Variants in IL1RAPL2 observed in about 807,000 individuals in gnomAD.
The protein encoded by IL1RAPL2 is interleukin 1 receptor accessory protein like 2, also known as X-linked interleukin-1 receptor accessory protein-like 2.
IL1RAPL2 carries 3 observed loss-of-function variants against 44.1 expected under a neutral mutation model. The ratio of observed to expected loss-of-function variants is 0.07; its 90% confidence interval spans 0.03 to 0.18. The LOEUF (loss-of-function observed/expected upper bound fraction) is 0.18, where lower values mean the gene tolerates loss of function less well. Among genes scored for constraint, IL1RAPL2 ranks in the 10% least tolerant of loss-of-function variants. IL1RAPL2 has a pLI of 1.00. For missense variants in IL1RAPL2, 391 were observed against 496.4 expected, an observed-to-expected ratio of 0.79 and a Z score of 2.02; for synonymous variants, 181 against 178.8, an observed-to-expected ratio of 1.01 and a Z score of -0.10.
chrX:105,630,347 C>T (rs1172612895), intron 6 of IL1RAPL2, among the ~76,000 whole-genome samples: 1 of 111,430 alleles, frequency 9.0e-6, no homozygotes, highest in Non-Finnish European at 1.9e-5. Context: ...CTTCAATTAT[C>T]ACAACAACCC....
At chrX:105,508,358 G>A (rs1188502193) in intron 6 of IL1RAPL2, among the ~76,000 whole-genome samples, 1 of 110,983 alleles carries the variant, frequency 9.0e-6, no homozygotes, top group African/African-American at 3.3e-5. Context: ...ACTGGTTTCG[G>A]AAACAGTAAC....
intron 6 of IL1RAPL2, among the ~76,000 whole-genome samples, chrX:105,672,100 A>T (rs1053771548): frequency 1.8e-5 from 2 of 111,306 alleles, no homozygotes; most frequent in Admixed American, 9.6e-5. Context: ...GAGTTTTTTT[A>T]TTATGACTGT....
At chrX:104,931,974 G>GTGTGTT (rs1491153193) in intron 2 of IL1RAPL2, among the ~76,000 whole-genome samples, 6 of 70,005 alleles carry the variant, frequency 8.6e-5, no homozygotes, top group Non-Finnish European at 1.1e-4. Flanking sequence ...GTGTGTGTGT[G>GTGTGTT]TTTGTATATA....
chrX:105,010,979 G>T (rs1388515921), intron 2 of IL1RAPL2, among the ~76,000 whole-genome samples: 1 of 110,824 alleles, frequency 9.0e-6, no homozygotes, highest in East Asian at 2.9e-4. Context: ...GGGTGGAGAG[G>T]GGACAATATT....
intron 6 of IL1RAPL2, among the ~76,000 whole-genome samples, chrX:105,675,678 ATGAG>A (rs1302153814): frequency 1.8e-5 from 2 of 111,633 alleles, no homozygotes; most frequent in Non-Finnish European, 3.8e-5. Flanking sequence ...GCCTCATAGA[ATGAG>A]TTAGGGAGGA....
At chrX:104,948,286 G>C (rs1457951579) in intron 2 of IL1RAPL2, among the ~76,000 whole-genome samples, 1 of 109,631 alleles carries the variant, frequency 9.1e-6, no homozygotes, top group African/African-American at 3.3e-5. Flanking sequence ...AGACTTTGCT[G>C]AATTTGCTTA....
rs189885866 is a variant in IL1RAPL2, at chrX:104,954,837, G to C, written c.83-240638G>C. Among the ~76,000 whole-genome samples the C allele has an allele frequency of 1.7e-4, 19 of 112,903 alleles. No homozygotes were observed. The East Asian group carries it at 3.4e-3, about 20-fold the overall frequency. ...GGGGCCTAGCCCCAGAAGTTTTTTG[G>C]CTTCACTTAGGAAAGAATTCAAAAA... On this transcript the variant is annotated intron_variant, in intron 2 of 10. Coordinates refer to ENST00000372582, the MANE Select transcript of IL1RAPL2 (RefSeq NM_017416.2).
intron 5 of IL1RAPL2, among the ~76,000 whole-genome samples, chrX:105,327,393 C>T (rs1354148585): frequency 8.9e-6 from 1 of 111,794 alleles, no homozygotes; most frequent in Non-Finnish European, 1.9e-5. Context: ...GGCCCAGAAT[C>T]AATTTTCCTT....
chrX:105,313,875 ACT>A (rs760912738), intron 5 of IL1RAPL2, among the ~76,000 whole-genome samples: 1 of 111,172 alleles, frequency 9.0e-6, no homozygotes, highest in East Asian at 2.8e-4. Context: ...CTCACCATAC[ACT>A]CACATTTTTA....
intron 2 of IL1RAPL2, among the ~76,000 whole-genome samples, chrX:104,951,152 G>A (rs928850889): frequency 8.9e-6 from 1 of 112,106 alleles, no homozygotes; most frequent in Non-Finnish European, 1.9e-5. Flanking sequence ...CGTCACTCAC[G>A]CTGGGAGCTG....
chrX:105,618,855 C>T (rs1044211134), intron 6 of IL1RAPL2, among the ~76,000 whole-genome samples: 3 of 111,335 alleles, frequency 2.7e-5, no homozygotes, highest in African/African-American at 9.8e-5. Flanking sequence ...CAGAGTTGCG[C>T]GATCCAGATT....
At chrX:105,439,418 AT>A (rs773049047) in intron 5 of IL1RAPL2, among the ~76,000 whole-genome samples, 1 of 101,025 alleles carries the variant, frequency 9.9e-6, no homozygotes, top group African/African-American at 3.8e-5. Context: ...AATGTTTGGC[AT>A]TTTTTTTAGA....
intron 2 of IL1RAPL2, among the ~76,000 whole-genome samples, chrX:105,002,231 G>A (rs1260446159): frequency 1.8e-5 from 2 of 111,113 alleles, no homozygotes; most frequent in Non-Finnish European, 3.8e-5. Flanking sequence ...TAGAACAAAG[G>A]GAGAGCTATT....
chrX:104,636,970 C>T (rs886609816), intron 1 of IL1RAPL2, among the ~76,000 whole-genome samples: 17 of 111,371 alleles, frequency 1.5e-4, no homozygotes, highest in African/African-American at 4.9e-4. Flanking sequence ...TCTTCCTATT[C>T]GGCCATCTTG....
At chrX:104,822,367 T>A (rs1367492133) in intron 2 of IL1RAPL2, among the ~76,000 whole-genome samples, 1 of 111,931 alleles carries the variant, frequency 8.9e-6, no homozygotes, top group Non-Finnish European at 1.9e-5. Context: ...TCTTCTAGGG[T>A]TTTTATGGTT....
At chrX:104,651,750 G>A (rs146041063) in intron 1 of IL1RAPL2, among the ~76,000 whole-genome samples, 2,137 of 111,271 alleles carry the variant, frequency 0.019, 53 homozygotes, top group African/African-American at 0.065. Flanking sequence ...TCTAAATTGG[G>A]GGGTAAGACA....
intron 6 of IL1RAPL2, among the ~76,000 whole-genome samples, chrX:105,571,951 T>C (rs1443224663): frequency 9.0e-6 from 1 of 110,578 alleles, no homozygotes; most frequent in African/African-American, 3.3e-5. Flanking sequence ...TCTCTTCTAC[T>C]AAAGAGAAAA....
At chrX:105,080,784 T>C (rs2032394042) in intron 2 of IL1RAPL2, among the ~76,000 whole-genome samples, 2 of 112,041 alleles carry the variant, frequency 1.8e-5, no homozygotes, top group South Asian at 7.4e-4. Context: ...GGGGATAGCA[T>C]TGAATCTATA....
chrX:105,407,683 C>A (rs769580149), intron 5 of IL1RAPL2, among the ~76,000 whole-genome samples: 3 of 111,622 alleles, frequency 2.7e-5, no homozygotes, highest in East Asian at 5.7e-4. Flanking sequence ...ATATCCAGTT[C>A]TTACTGATTG....
Sources: allele counts gnomAD v4.1 joint callset (sites outside exome capture counted in the v4.1 genomes callset), GRCh38; gene constraint gnomAD v4.1.1; transcripts MANE v1.5; gene names NCBI Gene and HGNC (gene_info 2026-07-23, HGNC 2026-07-21).